The following CREM variants were observed in gnomAD, a reference collection of about 807,000 sequenced individuals.
CREM encodes the protein cAMP-responsive element modulator.
In CREM, 13 loss-of-function variants were observed where a neutral mutation model predicts 37.3. That is an observed-to-expected ratio of 0.35 (90% confidence interval 0.23 to 0.55). CREM has a LOEUF of 0.55. Among genes scored for constraint, CREM ranks in the 20% least tolerant of loss-of-function variants. CREM has a pLI of 0.88. For missense variants in CREM, 296 were observed against 362.3 expected, an observed-to-expected ratio of 0.82 and a Z score of 1.49; for synonymous variants, 124 against 120.2, an observed-to-expected ratio of 1.03 and a Z score of -0.21.
In CREM at chr10:35,211,900, A is replaced by T; in HGVS notation, c.*502A>T. The T allele has an allele frequency of 2.5e-6, 3 of 1,184,564 alleles. No homozygotes were observed. Among genetic ancestry groups the T allele is most frequent in the Non-Finnish European group, 3.4e-6 (3 of 876,800 alleles). The allele number at this position is 1,184,564 out of a possible 1,614,324, so 73.4% of individuals were successfully genotyped here. Reference sequence around the variant, plus strand: ...AATGGTGGCTTCTTTTCTTTGTATCATTCATCTTCTTCTTTAATCACTTAA... The same window carrying T: ...AATGGTGGCTTCTTTTCTTTGTATCTTTCATCTTCTTCTTTAATCACTTAA... On this transcript the variant is annotated 3_prime_UTR_variant, in exon 8 of 8. Coordinates refer to ENST00000685392, the MANE Select transcript of CREM (RefSeq NM_183011.2).
chr10:35,203,330 G>A (rs752931823), intron 6 of CREM, among the ~76,000 whole-genome samples: 4 of 152,144 alleles, frequency 2.6e-5, no homozygotes, highest in Non-Finnish European at 4.4e-5. Flanking sequence ...ATAGGCGTGA[G>A]CCACCATGTC....
chr10:35,175,655 A>T, intron 3 of CREM: 1 of 1,613,294 alleles, frequency 6.2e-7, no homozygotes, highest in Non-Finnish European at 8.5e-7. Context: ...GTTCCTTAAT[A>T]AATGTCACAT....
At chr10:35,200,334 A>G (rs2095347248) in intron 6 of CREM, among the ~76,000 whole-genome samples, 1 of 152,218 alleles carries the variant, frequency 6.6e-6, no homozygotes, top group African/African-American at 2.4e-5. Context: ...CTGAACTTTA[A>G]AAGGTCCCTT....
chr10:35,159,675 A>G (rs1377804998), intron 3 of CREM, among the ~76,000 whole-genome samples: 3 of 152,224 alleles, frequency 2.0e-5, no homozygotes, highest in African/African-American at 7.2e-5. Context: ...TTTTTGATAC[A>G]ACCTTAAAAG....
chr10:35,131,504 A>G (rs2089373883), intron 1 of CREM, among the ~76,000 whole-genome samples: 1 of 152,170 alleles, frequency 6.6e-6, no homozygotes, highest in South Asian at 2.1e-4. Context: ...ATATCTTAGC[A>G]CTGATTATGG....
chr10:35,174,665 A>T (rs755028628), intron 3 of CREM, among the ~76,000 whole-genome samples: 33 of 152,232 alleles, frequency 2.2e-4, no homozygotes, highest in Non-Finnish European at 4.1e-4. Flanking sequence ...CTTATTTCCA[A>T]GGTCTTTGAC....
chr10:35,182,299 TC>T (rs1248008818), intron 5 of CREM, among the ~76,000 whole-genome samples: 1 of 152,148 alleles, frequency 6.6e-6, no homozygotes, highest in East Asian at 1.9e-4. Context: ...ATTGCCAGTT[TC>T]CTTTGGTTTT....
At chr10:35,160,903 A>G (rs1489541267) in intron 3 of CREM, among the ~76,000 whole-genome samples, 1 of 151,394 alleles carries the variant, frequency 6.6e-6, no homozygotes, top group East Asian at 1.9e-4. Context: ...CCACCTTCAT[A>G]TCCTGTCCCA....
chr10:35,165,902 A>G (rs577476884), intron 3 of CREM, among the ~76,000 whole-genome samples: 11 of 152,168 alleles, frequency 7.2e-5, no homozygotes, highest in Non-Finnish European at 1.3e-4. Flanking sequence ...AGCATTATCA[A>G]AATAGATTAT....
intron 3 of CREM, among the ~76,000 whole-genome samples, chr10:35,166,360 G>T (rs901920129): frequency 1.3e-5 from 2 of 151,826 alleles, no homozygotes; most frequent in Non-Finnish European, 2.9e-5. Context: ...GCCAGGAGTC[G>T]AGATCAGCCT....
chr10:35,156,566 C>T (rs1173041855), intron 3 of CREM, among the ~76,000 whole-genome samples: 2 of 152,176 alleles, frequency 1.3e-5, no homozygotes, highest in Non-Finnish European at 2.9e-5. Context: ...TATTTTCTTT[C>T]CCTTATTTTA....
At position 35,153,671 on chromosome 10, in the gene CREM, C is replaced by G. The variant is rs1361153832; in HGVS notation, c.168+5180C>G. ...AATTCTCCATAGCTGCTGCTGAAGCCTGGAGGCCTCGACTCTGAAAGCTAA... is the reference window on the plus strand; with the variant it reads ...AATTCTCCATAGCTGCTGCTGAAGCGTGGAGGCCTCGACTCTGAAAGCTAA... On this transcript the variant is annotated intron_variant, in intron 3 of 7. Transcript: ENST00000685392. Among the ~76,000 whole-genome samples the G allele has an allele frequency of 2.6e-5, 4 of 152,150 alleles. No individual in the cohort carries two copies. The South Asian group carries it at 8.3e-4, about 31-fold the overall frequency.
chr10:35,204,590 A>C (rs11010122), intron 6 of CREM, among the ~76,000 whole-genome samples: 48,111 of 145,604 alleles, frequency 0.33, 8,052 homozygotes, highest in South Asian at 0.35. Flanking sequence ...CAGCAAAACT[A>C]CGTCTCAAAA....
chr10:35,136,880 G>A (rs1305220557), intron 1 of CREM, among the ~76,000 whole-genome samples: 1 of 151,022 alleles, frequency 6.6e-6, no homozygotes, highest in African/African-American at 2.4e-5. Context: ...GAGTACAGAG[G>A]TGCAAACATG....
At chr10:35,204,601 A>G (rs2095475992) in intron 6 of CREM, among the ~76,000 whole-genome samples, 1 of 151,808 alleles carries the variant, frequency 6.6e-6, no homozygotes, top group Admixed American at 6.6e-5. Context: ...CGTCTCAAAA[A>G]AAAAAAAAAA....
At chr10:35,142,277 G>A (rs1412001379) in intron 2 of CREM, among the ~76,000 whole-genome samples, 1 of 152,220 alleles carries the variant, frequency 6.6e-6, no homozygotes, top group East Asian at 1.9e-4. Context: ...TGTTAGAGGG[G>A]GAGAGAATAA....
Position 35,185,085 on chromosome 10 carries a change from T to C in CREM, c.410-3115T>C, listed in dbSNP as rs78659394. Among the ~76,000 whole-genome samples the C allele has an allele frequency of 6.3e-3, 949 of 151,480 alleles. 11 individuals carry two copies. The highest frequency in any genetic ancestry group is 7.0e-3 in the Non-Finnish European group (477 of 67,876). The stretch of plus-strand genomic sequence containing the variant: ...TTCATTCTATTTTTTGAGTGGCTGC[T>C]CTGTTCTAGGCTTTGTACTTCTTTT... On this transcript the variant is annotated intron_variant, in intron 5 of 7. Transcript: ENST00000685392.
intron 6 of CREM, among the ~76,000 whole-genome samples, chr10:35,191,913 A>T (rs1033113580): frequency 6.8e-6 from 1 of 146,600 alleles, no homozygotes; most frequent in Non-Finnish European, 1.5e-5. Flanking sequence ...CACTCTTCCT[A>T]TCTTCAGTGA....
chr10:35,160,771 C>G (rs1440768416), intron 3 of CREM, among the ~76,000 whole-genome samples: 4 of 152,328 alleles, frequency 2.6e-5, no homozygotes, highest in African/African-American at 9.6e-5. Flanking sequence ...CTGTGTAAAC[C>G]TTTTCTGTGT....
Sources: allele counts gnomAD v4.1 joint callset (sites outside exome capture counted in the v4.1 genomes callset), GRCh38; gene constraint gnomAD v4.1.1; transcripts MANE v1.5; gene names NCBI Gene and HGNC (gene_info 2026-07-23, HGNC 2026-07-21).